The following VEPH1 variants were observed in gnomAD, a reference collection of about 807,000 sequenced individuals.
VEPH1 encodes the protein ventricular zone-expressed PH domain-containing protein homolog 1.
VEPH1 carries 80 observed loss-of-function variants against 85.2 expected under a neutral mutation model. The ratio of observed to expected loss-of-function variants is 0.94; its 90% CI spans 0.78 to 1.13. The LOEUF (loss-of-function observed/expected upper bound fraction) is 1.13, where lower values mean the gene tolerates loss of function less well. Among genes scored for constraint, VEPH1 ranks in the 50% most tolerant of loss-of-function variants. The probability of loss-of-function intolerance (pLI) is 0.00; values close to 1 mark genes in which losing one functional copy is unlikely to be tolerated. For missense variants in VEPH1, 955 were observed against 980.5 expected, an observed-to-expected ratio of 0.97 and a Z score of 0.35; for synonymous variants, 297 against 348.0, an observed-to-expected ratio of 0.85 and a Z score of 1.63.
chr3:157,345,740 T>C (rs1423664177), intron 9 of VEPH1, among the ~76,000 whole-genome samples: 3 of 152,316 alleles, frequency 2.0e-5, no homozygotes, highest in East Asian at 1.9e-4. Context: ...CGTATGTTCA[T>C]TGCGGCACTA....
chr3:157,374,308 T>A (rs1727845615), intron 7 of VEPH1, among the ~76,000 whole-genome samples: 2 of 152,218 alleles, frequency 1.3e-5, no homozygotes. Flanking sequence ...AACTCTTGTT[T>A]CATTCTTAAA....
chr3:157,353,855 G>C (rs746736323), intron 9 of VEPH1, among the ~76,000 whole-genome samples: 1 of 151,990 alleles, frequency 6.6e-6, no homozygotes, highest in Non-Finnish European at 1.5e-5. Context: ...CTGGTGTTTC[G>C]CAAGTCCCTG....
intron 5 of VEPH1, among the ~76,000 whole-genome samples, chr3:157,427,202 G>C (rs1482320607): frequency 6.6e-6 from 1 of 151,964 alleles, no homozygotes; most frequent in Non-Finnish European, 1.5e-5. Flanking sequence ...TGGTCCTGTT[G>C]GTTGAACTCC....
intron 4 of VEPH1, among the ~76,000 whole-genome samples, chr3:157,449,552 G>A (rs1398085308): frequency 2.0e-5 from 3 of 152,134 alleles, no homozygotes; most frequent in Non-Finnish European, 2.9e-5. Flanking sequence ...GTGCTACACT[G>A]TCTTGATTAT....
intron 12 of VEPH1, among the ~76,000 whole-genome samples, chr3:157,275,515 G>T (rs181689026): frequency 6.6e-6 from 1 of 152,158 alleles, no homozygotes; most frequent in Admixed American, 6.6e-5. Context: ...GGCGGAGGTT[G>T]CAGTGAGCCA....
At chr3:157,334,558 C>G (rs1276970034) in intron 9 of VEPH1, among the ~76,000 whole-genome samples, 1 of 152,152 alleles carries the variant, frequency 6.6e-6, no homozygotes, top group Non-Finnish European at 1.5e-5. Flanking sequence ...TGTCTACCAG[C>G]ATCACCATCA....
rs1731926582 is a variant in VEPH1 at position 157,416,545 on chromosome 3, AGCAATGAAAAATGCTT to A, written c.697-2471_697-2456del. On this transcript the variant is annotated intron_variant, in intron 5 of 13. Transcript: ENST00000362010. Reference sequence around the variant, plus strand: ...GCAACATACTTAACCTCATGTTTTTAGCAATGAAAAATGCTTGCACATTTCCTGCCCCATTCTATAA... The same window carrying A: ...GCAACATACTTAACCTCATGTTTTTAGCACATTTCCTGCCCCATTCTATAA... Among the ~76,000 whole-genome samples, 6 of 152,278 alleles carry A rather than the reference AGCAATGAAAAATGCTT, an allele frequency of 3.9e-5. No individual in the cohort carries two copies. The South Asian group carries it at 1.2e-3, about 32-fold the overall frequency.
At chr3:157,485,429 GTC>G (rs1738528376) in intron 2 of VEPH1, among the ~76,000 whole-genome samples, 1 of 152,090 alleles carries the variant, frequency 6.6e-6, no homozygotes, top group South Asian at 2.1e-4. Context: ...ATGGGAAAAT[GTC>G]TATCTTAGAA....
rs1729033564 is a variant in VEPH1, at chr3:157,383,951, A to G, written c.907-2575T>C. On this transcript the variant is annotated intron_variant, in intron 6 of 13. Transcript: ENST00000362010. ...AAGTCTCCATGTGTGAATTCATGAT[A>G]TGCAATGCATCAAGGGACATTTTCT... 3.3e-5 allele frequency among the ~76,000 whole-genome samples: 5 copies of G among 152,140 alleles called. No individual in the cohort carries two copies. In the South Asian group the frequency reaches 1.0e-3, roughly 31 times the overall value.
chr3:157,293,716 G>A (rs1360685224), intron 11 of VEPH1, among the ~76,000 whole-genome samples: 1 of 152,206 alleles, frequency 6.6e-6, no homozygotes, highest in East Asian at 1.9e-4. Context: ...TAATGGAAGT[G>A]TATGAGTTGA....
intron 9 of VEPH1, among the ~76,000 whole-genome samples, chr3:157,324,702 G>T (rs1721711766): frequency 6.6e-6 from 1 of 151,792 alleles, no homozygotes; most frequent in Admixed American, 6.6e-5. Flanking sequence ...GTGTTCCATG[G>T]TGTATATGTA....
At chr3:157,467,780 C>T (rs540049750) in intron 3 of VEPH1, among the ~76,000 whole-genome samples, 2 of 152,348 alleles carry the variant, frequency 1.3e-5, no homozygotes, top group East Asian at 3.9e-4. Flanking sequence ...ACTTGTCCCT[C>T]TTAACCAAGG....
chr3:157,278,234 A>G (rs565577630), intron 12 of VEPH1, among the ~76,000 whole-genome samples: 11 of 152,352 alleles, frequency 7.2e-5, no homozygotes, highest in South Asian at 6.2e-4. Flanking sequence ...AAGGCTTCCA[A>G]TACTGAAGCT....
chr3:157,432,886 A>G (rs947248537), intron 4 of VEPH1, among the ~76,000 whole-genome samples: 2 of 152,154 alleles, frequency 1.3e-5, no homozygotes, highest in Non-Finnish European at 2.9e-5. Flanking sequence ...GAGATAATTT[A>G]TCTTTCTGTC....
At chr3:157,417,787 A>C (rs1314588234) in intron 5 of VEPH1, among the ~76,000 whole-genome samples, 1 of 152,162 alleles carries the variant, frequency 6.6e-6, no homozygotes, top group African/African-American at 2.4e-5. Flanking sequence ...CCCTTACACC[A>C]CAAATATTCA....
At chr3:157,485,430 T>A (rs765737148) in intron 2 of VEPH1, among the ~76,000 whole-genome samples, 163 of 152,276 alleles carry the variant, frequency 1.1e-3, no homozygotes, top group Non-Finnish European at 4.1e-4. Flanking sequence ...TGGGAAAATG[T>A]CTATCTTAGA....
intron 6 of VEPH1, among the ~76,000 whole-genome samples, chr3:157,389,580 A>T (rs1218757673): frequency 2.0e-5 from 3 of 152,098 alleles, no homozygotes; most frequent in Admixed American, 6.6e-5. Context: ...TGAAAATATA[A>T]AATCACAGAG....
At chr3:157,333,307 G>A (rs1487408634) in intron 9 of VEPH1, among the ~76,000 whole-genome samples, 3 of 152,092 alleles carry the variant, frequency 2.0e-5, no homozygotes, top group South Asian at 2.1e-4. Context: ...GTGCTTATCC[G>A]ATCACAAAAT....
intron 11 of VEPH1, among the ~76,000 whole-genome samples, chr3:157,295,612 G>A (rs1718026309): frequency 2.9e-5 from 1 of 33,910 alleles, no homozygotes; most frequent in Non-Finnish European, 5.8e-5. Context: ...TGGTGTTGGA[G>A]GCAGTTTTAA....
Sources: gnomAD v4.1 joint callset for allele counts (sites outside exome capture counted in the v4.1 genomes callset) on GRCh38, gnomAD v4.1.1 for gene constraint, MANE v1.5 for transcripts, NCBI Gene and HGNC (gene_info 2026-07-23, HGNC 2026-07-21) for gene names.